SAMD4A: variants seen among roughly 807,000 people sequenced by gnomAD.
The protein encoded by SAMD4A is protein Smaug homolog 1.
Under a neutral mutation model 81.3 loss-of-function variants are expected in SAMD4A, and 33 were observed. The observed-to-expected ratio is 0.41, with a 90% CI of 0.31 to 0.54. The LOEUF (loss-of-function observed/expected upper bound fraction) is 0.54, where lower values mean the gene tolerates loss of function less well. SAMD4A is among the 20% of genes least tolerant of loss of function. SAMD4A has a pLI of 0.37. For missense variants in SAMD4A, 854 were observed against 951.1 expected (o/e 0.90, Z 1.34); for synonymous variants, 389 against 382.1 (o/e 1.02, Z -0.21).
At chr14:54,568,345 G>C (rs1219906490) in intron 2 of SAMD4A, among the ~76,000 whole-genome samples, 1 of 151,804 alleles carries the variant, frequency 6.6e-6, no homozygotes, top group Admixed American at 6.6e-5. Flanking sequence ...AACTCCGTCA[G>C]CCCTTTCCGT....
intron 3 of SAMD4A, among the ~76,000 whole-genome samples, chr14:54,720,879 T>G (rs1477966615): frequency 6.6e-6 from 1 of 152,118 alleles, no homozygotes; most frequent in African/African-American, 2.4e-5. Context: ...TAAATTGCCA[T>G]GTTTTCCCTT....
chr14:54,699,423 C>T (rs2140725070), intron 2 of SAMD4A, among the ~76,000 whole-genome samples: 1 of 152,258 alleles, frequency 6.6e-6, no homozygotes, highest in South Asian at 2.1e-4. Context: ...CAGCCTTCCC[C>T]ATCTGAATGT....
intron 6 of SAMD4A, among the ~76,000 whole-genome samples, chr14:54,757,379 TTATTTGTGTG>T (rs1210969726): frequency 8.0e-6 from 1 of 124,298 alleles, no homozygotes; most frequent in Admixed American, 8.7e-5. Flanking sequence ...TTTGGTTTCT[TTATTTGTGTG>T]TGTGTGTGTG....
At chr14:54,735,699 C>G (rs1356188578) in intron 3 of SAMD4A, among the ~76,000 whole-genome samples, 1 of 152,240 alleles carries the variant, frequency 6.6e-6, no homozygotes, top group Non-Finnish European at 1.5e-5. Flanking sequence ...CTGGAAACAT[C>G]CAGCCTTTTG....
chr14:54,626,172 TTTAA>T (rs1193657271), intron 2 of SAMD4A, among the ~76,000 whole-genome samples: 1 of 152,058 alleles, frequency 6.6e-6, no homozygotes, highest in African/African-American at 2.4e-5. Context: ...GTGGCTCTAG[TTTAA>T]TTAACATCCT....
Position 54,702,585 on chromosome 14 carries a change from G to T in SAMD4A, c.715+5G>T. ...TTGGAACCAGCACAAGTACAAGTAA[G>T]TTCCCCGGAATCCCTTTAACGTAGT... On this transcript the variant is annotated splice_donor_5th_base_variant and intron_variant, in intron 3 of 12. Transcript: ENST00000554335. 6.2e-7 allele frequency: 1 copy of T among 1,613,334 alleles called. No homozygotes were observed. The highest frequency in any genetic ancestry group is 8.5e-7 in the Non-Finnish European group (1 of 1,179,490).
chr14:54,611,564 C>T (rs55816518), intron 2 of SAMD4A, among the ~76,000 whole-genome samples: 16,931 of 152,206 alleles, frequency 0.11, 1,167 homozygotes, highest in African/African-American at 0.18. Context: ...TTCTATCAAA[C>T]ACTGAGTTTG....
At chr14:54,760,988 A>T (rs2038382637) in intron 7 of SAMD4A, among the ~76,000 whole-genome samples, 1 of 119,880 alleles carries the variant, frequency 8.3e-6, no homozygotes, top group Non-Finnish European at 1.7e-5. Context: ...TCTCCTCACC[A>T]CTGAAAGTGT....
chr14:54,572,647 TAGA>T (rs1374494450), intron 2 of SAMD4A, among the ~76,000 whole-genome samples: 1 of 152,192 alleles, frequency 6.6e-6, no homozygotes, highest in Admixed American at 6.5e-5. Context: ...GCATAAGTTG[TAGA>T]AGATTTTTAG....
rs530567973 is a variant in SAMD4A, at chr14:54,759,555, G to C, written c.1177-606G>C. Among the ~76,000 whole-genome samples, 109 of 152,300 alleles carry C rather than the reference G, an allele frequency of 7.2e-4. 1 individual carries two copies. The highest frequency in any genetic ancestry group is 2.3e-3 in the South Asian group (11 of 4,828). On this transcript the variant is annotated intron_variant, in intron 6 of 12. Coordinates refer to ENST00000554335, the MANE Select transcript of SAMD4A (RefSeq NM_015589.6). ...CTCATGGCTGGATGTCAACTCCTTG[G>C]GGAACCCTAAAGGCAATGAGGCAGC...
rs150272781 is a variant in SAMD4A, at chr14:54,760,101, C to T, written c.1177-60C>T. On this transcript the variant is annotated intron_variant, in intron 6 of 12. Transcript: ENST00000554335. Reference sequence around the variant, plus strand: ...AGCTCAGGGCAGGGGAGGGCAGGTACGGGGGTGGATGACCCTTATTCCTGA... The same window carrying T: ...AGCTCAGGGCAGGGGAGGGCAGGTATGGGGGTGGATGACCCTTATTCCTGA... 1,365 of 1,543,924 alleles carry T rather than the reference C, an allele frequency of 8.8e-4. 8 individuals are homozygous for T. In the African/African-American group the frequency reaches 0.012, roughly 13 times the overall value.
Position 54,775,021 on chromosome 14 carries a change from C to A in SAMD4A, c.1803C>A (p.Ile601=). 6.2e-7 allele frequency: 1 copy of A among 1,614,210 alleles called. No individual in the cohort carries two copies. Among genetic ancestry groups the A allele is most frequent in the Non-Finnish European group, 8.5e-7 (1 of 1,180,042 alleles). ...GACGGAACCCGCGCCAGTACCAGAT[C>A]CCCTCTCGGAACGTCCCTTCCGCCC... The part of the protein sequence containing the change: ...MGRRNPRQYQ[I]PSRNVPSARL... Residue 601 remains isoleucine (I), a synonymous_variant, in exon 10 of 13, where the codon ATC becomes ATA. Coordinates refer to ENST00000554335, the MANE Select transcript of SAMD4A (RefSeq NM_015589.6).
intron 2 of SAMD4A, among the ~76,000 whole-genome samples, chr14:54,698,618 C>T (rs755703098): frequency 1.3e-5 from 2 of 152,254 alleles, no homozygotes; most frequent in African/African-American, 2.4e-5. Flanking sequence ...TGTTGGCTCT[C>T]AGCAGTGGCA....
chr14:54,776,552 C>T lies in SAMD4A; in HGVS notation c.2044+12C>T, dbSNP rs200547681. 2.7e-4 allele frequency: 418 copies of T among 1,550,418 alleles called. 1 individual carries two copies. Among genetic ancestry groups the T allele is most frequent in the Non-Finnish European group, 3.4e-4 (386 of 1,151,728 alleles). On this transcript the variant is annotated intron_variant, in intron 11 of 12. Coordinates refer to ENST00000554335, the MANE Select transcript of SAMD4A (RefSeq NM_015589.6). ...GTTCCAGCAGCCAGGTAGGGCCCGG[C>T]GCTTCATGTCCCCTTGACACAGAGG...
chr14:54,566,725 G>C (rs1291770733), upstream of SAMD4A, among the ~76,000 whole-genome samples: 1 of 151,768 alleles, frequency 6.6e-6, no homozygotes, highest in Non-Finnish European at 1.5e-5. Context: ...CGTAGGCGGC[G>C]GCGGCAGGAT....
intron 8 of SAMD4A, among the ~76,000 whole-genome samples, chr14:54,767,368 G>A (rs950038094): frequency 2.0e-5 from 3 of 152,024 alleles, no homozygotes; most frequent in South Asian, 2.1e-4. Flanking sequence ...CTTCCTTCCC[G>A]GGATGGAGGG....
intron 2 of SAMD4A, among the ~76,000 whole-genome samples, chr14:54,673,294 C>T (rs2035924794): frequency 6.6e-6 from 1 of 152,188 alleles, no homozygotes. Flanking sequence ...ACGCTCAGGC[C>T]TAAAGGGCCT....
At chr14:54,739,298 G>A (rs2037788046) in intron 4 of SAMD4A, among the ~76,000 whole-genome samples, 1 of 151,860 alleles carries the variant, frequency 6.6e-6, no homozygotes, top group South Asian at 2.1e-4. Context: ...ATTAGAATTG[G>A]TGAGAACTGT....
intron 2 of SAMD4A, among the ~76,000 whole-genome samples, chr14:54,610,207 C>G (rs2034317183): frequency 6.6e-6 from 1 of 152,156 alleles, no homozygotes; most frequent in South Asian, 2.1e-4. Flanking sequence ...GTTTTCCAAA[C>G]AAGCGAGGGC....
Sources: gnomAD v4.1 joint callset for allele counts (sites outside exome capture counted in the v4.1 genomes callset) on GRCh38, gnomAD v4.1.1 for gene constraint, MANE v1.5 for transcripts, NCBI Gene and HGNC (gene_info 2026-07-23, HGNC 2026-07-21) for gene names.